The following DLGAP2 variants were observed in gnomAD, a reference collection of about 807,000 sequenced individuals.
DLGAP2 encodes DLG associated protein 2, also known as disks large-associated protein 2.
Under a neutral mutation model 100.3 loss-of-function variants are expected in DLGAP2, and 26 were observed. The ratio of observed to expected loss-of-function variants is 0.26; its 90% confidence interval spans 0.19 to 0.36. The LOEUF is 0.36. Among genes scored for constraint, DLGAP2 ranks in the 10% least tolerant of loss-of-function variants. DLGAP2 has a pLI of 1.00. For synonymous variants in DLGAP2, 886 were observed against 630.1 expected (o/e 1.41, Z -6.08); for missense variants, 1,858 against 1,453.2 (o/e 1.28, Z -4.53).
chr8:1,681,211 A>T (rs533597956), intron 12 of DLGAP2, among the ~76,000 whole-genome samples: 1 of 152,328 alleles, frequency 6.6e-6, no homozygotes, highest in Non-Finnish European at 1.5e-5. Context: ...AGACATTGAG[A>T]CATTAGCCAT....
chr8:1,220,149 C>A (rs1448909707), intron 2 of DLGAP2, among the ~76,000 whole-genome samples: 2 of 151,984 alleles, frequency 1.3e-5, no homozygotes, highest in African/African-American at 2.4e-5. Flanking sequence ...TTTTCTTCTA[C>A]CTTTGGGTTA....
At chr8:1,133,933 G>A (rs557994659) in intron 2 of DLGAP2, among the ~76,000 whole-genome samples, 1 of 151,576 alleles carries the variant, frequency 6.6e-6, no homozygotes, top group African/African-American at 2.4e-5. Flanking sequence ...GATACAAATT[G>A]TTTCCTTATC....
intron 2 of DLGAP2, among the ~76,000 whole-genome samples, chr8:1,194,737 C>A (rs1190420487): frequency 2.6e-5 from 4 of 152,180 alleles, no homozygotes; most frequent in Non-Finnish European, 5.9e-5. Flanking sequence ...AGTCCCTGGG[C>A]CCGATGAGCT....
intron 5 of DLGAP2, among the ~76,000 whole-genome samples, chr8:1,550,637 C>G (rs1801733462): frequency 6.6e-6 from 1 of 152,180 alleles, no homozygotes; most frequent in Non-Finnish European, 1.5e-5. Context: ...CTCTGTGTCT[C>G]TGGGGTGTGG....
At chr8:1,434,179 C>T (rs540667110) in intron 3 of DLGAP2, among the ~76,000 whole-genome samples, 2 of 152,246 alleles carry the variant, frequency 1.3e-5, no homozygotes, top group South Asian at 2.1e-4. Flanking sequence ...GCAGCTCAGC[C>T]GCTCTCTCTT....
intron 1 of DLGAP2, among the ~76,000 whole-genome samples, chr8:802,582 A>G (rs905425295): frequency 9.9e-5 from 15 of 152,134 alleles, no homozygotes; most frequent in African/African-American, 3.6e-4. Context: ...CAGGGGCTGC[A>G]TGGCGGGGTG....
At chr8:1,693,808 GT>G (rs1424339113) in intron 13 of DLGAP2, among the ~76,000 whole-genome samples, 1 of 152,196 alleles carries the variant, frequency 6.6e-6, no homozygotes. Flanking sequence ...AAATAGAAAG[GT>G]TTTGAGTGCC....
intron 3 of DLGAP2, among the ~76,000 whole-genome samples, chr8:1,471,510 C>T (rs901351306): frequency 6.7e-6 from 1 of 149,416 alleles, no homozygotes; most frequent in African/African-American, 2.6e-5. Context: ...CCAACCCAGC[C>T]TCTGCGATGC....
rs186634359 is a variant in DLGAP2, at chr8:1,233,968, G to C, written c.74-24883G>C. Among the ~76,000 whole-genome samples the C allele has an allele frequency of 1.9e-3, 286 of 152,278 alleles. 2 individuals carry two copies. The highest frequency in any genetic ancestry group is 5.6e-3 in the African/African-American group (233 of 41,556). Reference sequence around the variant, plus strand: ...GTCCTAGGACGGGGTTTGACCAGGTGGTCAATAGGCCTGCACTGGGAGGGC... The same window carrying C: ...GTCCTAGGACGGGGTTTGACCAGGTCGTCAATAGGCCTGCACTGGGAGGGC... On this transcript the variant is annotated intron_variant, in intron 2 of 14. Coordinates refer to ENST00000637795, the MANE Select transcript of DLGAP2 (RefSeq NM_001346810.2).
intron 2 of DLGAP2, among the ~76,000 whole-genome samples, chr8:1,008,765 G>A (rs1178444659): frequency 6.6e-6 from 1 of 152,212 alleles, no homozygotes; most frequent in South Asian, 2.1e-4. Context: ...GTCCGTCAGG[G>A]AGCAACCTCC....
chr8:1,124,119 G>A (rs1336137296), intron 2 of DLGAP2, among the ~76,000 whole-genome samples: 5 of 152,106 alleles, frequency 3.3e-5, no homozygotes, highest in African/African-American at 7.2e-5. Flanking sequence ...AGAGTTTAAC[G>A]CCAATAAAAA....
intron 2 of DLGAP2, among the ~76,000 whole-genome samples, chr8:1,125,011 T>C (rs1217913988): frequency 6.6e-6 from 1 of 152,200 alleles, no homozygotes; most frequent in East Asian, 1.9e-4. Flanking sequence ...CTCCCTCGTC[T>C]CTGACTGTCC....
chr8:742,586 G>T (rs780396530), intron 1 of DLGAP2, among the ~76,000 whole-genome samples: 13 of 152,184 alleles, frequency 8.5e-5, no homozygotes, highest in Non-Finnish European at 7.3e-5. Context: ...ATAGCTAACT[G>T]CAGTCTTGAC....
At chr8:1,517,371 G>A (rs1452986602) in intron 4 of DLGAP2, among the ~76,000 whole-genome samples, 3 of 152,096 alleles carry the variant, frequency 2.0e-5, no homozygotes, top group African/African-American at 7.2e-5. Flanking sequence ...AGCACGCCAT[G>A]AGGGAGGGGC....
intron 8 of DLGAP2, among the ~76,000 whole-genome samples, chr8:1,633,406 G>A (rs900541849): frequency 2.0e-5 from 3 of 152,170 alleles, no homozygotes; most frequent in Admixed American, 1.3e-4. Context: ...CTGATGCGCA[G>A]TGACTCTCAG....
At chr8:1,049,846 G>A (rs903936667) in intron 2 of DLGAP2, among the ~76,000 whole-genome samples, 2 of 151,086 alleles carry the variant, frequency 1.3e-5, no homozygotes, top group South Asian at 2.1e-4. Flanking sequence ...AGTCACATGT[G>A]TGGATATGTG....
chr8:1,692,800 G>T (rs888762897), intron 13 of DLGAP2, among the ~76,000 whole-genome samples: 1 of 151,608 alleles, frequency 6.6e-6, no homozygotes, highest in South Asian at 2.1e-4. Flanking sequence ...CGTTAAACTT[G>T]GTTATTCCTG....
intron 4 of DLGAP2, among the ~76,000 whole-genome samples, chr8:1,501,932 G>A (rs908075883): frequency 2.0e-5 from 3 of 152,282 alleles, no homozygotes; most frequent in South Asian, 4.2e-4. Flanking sequence ...TTCAAATCAC[G>A]TGGAAATTTC....
chr8:1,106,961 C>T (rs1340666938), intron 2 of DLGAP2, among the ~76,000 whole-genome samples: 1 of 151,932 alleles, frequency 6.6e-6, no homozygotes, highest in Non-Finnish European at 1.5e-5. Context: ...GTATTTTCTT[C>T]TGGGAAGAGT....
Sources: allele counts gnomAD v4.1 joint callset (sites outside exome capture counted in the v4.1 genomes callset), GRCh38; gene constraint gnomAD v4.1.1; transcripts MANE v1.5; gene names NCBI Gene and HGNC (gene_info 2026-07-23, HGNC 2026-07-21).